PRTG: variants seen among roughly 807,000 people sequenced by gnomAD.
The protein encoded by PRTG is immunoglobulin superfamily, DCC subclass, member 5.
In PRTG, 67 loss-of-function variants were observed where a neutral mutation model predicts 122.5. That is an observed-to-expected ratio of 0.55 (90% CI 0.45 to 0.67). PRTG has a LOEUF of 0.67. Ranked by LOEUF, PRTG falls within the 30% of genes least tolerant of loss-of-function variation. The pLI, the probability that PRTG is intolerant of heterozygous loss-of-function variation, is 0.00. For synonymous variants in PRTG, 554 were observed against 501.1 expected, an observed-to-expected ratio of 1.11 and a Z score of -1.41; for missense variants, 1,435 against 1,415.4, an observed-to-expected ratio of 1.01 and a Z score of -0.22.
rs143776156 is a variant in PRTG, at chr15:55,689,567, C to T, written c.398-5636G>A. The stretch of plus-strand genomic sequence containing the variant: ...GAGTTGATGGGTGCAGCAAAACCAA[C>T]ATAGGCACATGTATACCTATGTAAC... On this transcript the variant is annotated intron_variant, in intron 2 of 19. Coordinates refer to ENST00000389286, the MANE Select transcript of PRTG (RefSeq NM_173814.6). Among the ~76,000 whole-genome samples, 180 of 150,820 alleles carry T rather than the reference C, an allele frequency of 1.2e-3. 1 individual carries two copies. Among genetic ancestry groups the T allele is most frequent in the African/African-American group, 4.2e-3 (173 of 41,002 alleles).
In PRTG at chr15:55,678,048, G is replaced by T; in HGVS notation, c.1134-4C>A. Reference sequence around the variant, plus strand: ...AATCTGGTTAATTACCAATTTACTAGGGAAAGAAAAAAAATTATTTCCATG... The same window carrying T: ...AATCTGGTTAATTACCAATTTACTATGGAAAGAAAAAAAATTATTTCCATG... On this transcript the variant is annotated splice_polypyrimidine_tract_variant and splice_region_variant and intron_variant, in intron 7 of 19. Coordinates refer to ENST00000389286, the MANE Select transcript of PRTG (RefSeq NM_173814.6). 1.9e-6 allele frequency: 3 copies of T among 1,539,644 alleles called. No individual in the cohort carries two copies. The highest frequency in any genetic ancestry group is 2.4e-5 in the South Asian group (2 of 84,696).
chr15:55,628,845 C>T lies in PRTG; in HGVS notation c.2783G>A (p.Arg928His), dbSNP rs77440317. ...ACCTTTGGCATCAGCAGAATCTAAA[C>T]GCTTGGGCCTCTGATTTGATTCAGA... ...ETSESNQRPKRLDSADAKVYS... is the reference protein window; with the variant it reads ...ETSESNQRPKHLDSADAKVYS... Residue 928 changes from arginine to histidine, a missense_variant, in exon 16 of 20, where the codon CGT becomes CAT. Coordinates refer to ENST00000389286, the MANE Select transcript of PRTG (RefSeq NM_173814.6). 2,072 of 1,613,486 alleles carry T rather than the reference C, an allele frequency of 1.3e-3. 9 individuals carry two copies. Among genetic ancestry groups the T allele is most frequent in the East Asian group, 0.011 (506 of 44,884 alleles).
At chr15:55,714,698 CACTTAT>C (rs1412468657) in intron 2 of PRTG, among the ~76,000 whole-genome samples, 1 of 152,116 alleles carries the variant, frequency 6.6e-6, no homozygotes, top group Non-Finnish European at 1.5e-5. Context: ...CTCTCTTAAC[CACTTAT>C]ACTTAAAAAG....
intron 2 of PRTG, among the ~76,000 whole-genome samples, chr15:55,736,606 A>G (rs2031420614): frequency 6.6e-6 from 1 of 152,154 alleles, no homozygotes; most frequent in African/African-American, 2.4e-5. Flanking sequence ...AACAACTACT[A>G]CTACTTAAAA....
chr15:55,618,037 A>T lies in PRTG; in HGVS notation c.*1975T>A, dbSNP rs1467458212. 1 of 152,196 alleles carries T rather than the reference A, an allele frequency of 6.6e-6. No individual in the cohort carries two copies. Among genetic ancestry groups the T allele is most frequent in the Admixed American group, 6.5e-5 (1 of 15,280 alleles). 9.4% of individuals were successfully genotyped at this position (152,196 alleles called of 1,614,324 possible). A position where few individuals can be genotyped will look rare whatever the true frequency, so the allele number is the denominator to read the frequency against. ...ACTTTAAAAGGAGGTAGTATAAAAC[A>T]GGAGCTATAAAGGCAGGAGCAGCAT... On this transcript the variant is annotated 3_prime_UTR_variant, in exon 20 of 20. Coordinates refer to ENST00000389286, the MANE Select transcript of PRTG (RefSeq NM_173814.6).
chr15:55,676,074 G>C (rs2059501038), intron 8 of PRTG, among the ~76,000 whole-genome samples: 1 of 151,998 alleles, frequency 6.6e-6, no homozygotes, highest in Non-Finnish European at 1.5e-5. Flanking sequence ...AACATAAATG[G>C]AGAGACAGTA....
chr15:55,646,287 C>T (rs2059322799), intron 11 of PRTG, among the ~76,000 whole-genome samples: 1 of 150,086 alleles, frequency 6.7e-6, no homozygotes, highest in South Asian at 2.1e-4. Flanking sequence ...GCCCGGATTA[C>T]AGGCATGAGC....
intron 2 of PRTG, among the ~76,000 whole-genome samples, chr15:55,696,252 TC>T (rs1381226782): frequency 6.6e-6 from 1 of 152,044 alleles, no homozygotes; most frequent in East Asian, 1.9e-4. Context: ...TGAGAAGAGA[TC>T]CTGTTTCTTA....
At chr15:55,708,156 A>C (rs796130446) in intron 2 of PRTG, among the ~76,000 whole-genome samples, 18 of 93,392 alleles carry the variant, frequency 1.9e-4, no homozygotes, top group African/African-American at 6.1e-4. Context: ...GGTAAAAAAA[A>C]AAAAAAAAAA....
intron 2 of PRTG, among the ~76,000 whole-genome samples, chr15:55,688,189 CTTTCT>C (rs2059580900): frequency 6.6e-6 from 1 of 152,216 alleles, no homozygotes; most frequent in African/African-American, 2.4e-5. Flanking sequence ...CCCCTTCTTC[CTTTCT>C]GAGTCCATGC....
At chr15:55,710,752 G>A (rs1176790395) in intron 2 of PRTG, among the ~76,000 whole-genome samples, 1 of 151,764 alleles carries the variant, frequency 6.6e-6, no homozygotes, top group African/African-American at 2.4e-5. Flanking sequence ...AACTTATATA[G>A]AATATAATTA....
intron 2 of PRTG, among the ~76,000 whole-genome samples, chr15:55,706,968 AC>A (rs1324604822): frequency 6.6e-6 from 1 of 152,210 alleles, no homozygotes; most frequent in Non-Finnish European, 1.5e-5. Context: ...GCCCAGAACT[AC>A]CAAATGCCAA....
intron 2 of PRTG, among the ~76,000 whole-genome samples, chr15:55,720,790 T>C (rs771895318): frequency 4.3e-4 from 66 of 152,318 alleles, no homozygotes; most frequent in Middle Eastern, 6.8e-3. Flanking sequence ...ACACTAATGA[T>C]AGGTGATGAG....
intron 2 of PRTG, among the ~76,000 whole-genome samples, chr15:55,717,126 G>T (rs1438808364): frequency 6.6e-6 from 1 of 152,104 alleles, no homozygotes; most frequent in Non-Finnish European, 1.5e-5. Flanking sequence ...TATCACAAGA[G>T]ATTTGGCTTT....
Position 55,615,220 on chromosome 15 carries a change from C to T in PRTG, c.*4792G>A, listed in dbSNP as rs769439613. 2 of 152,078 alleles carry T rather than the reference C, an allele frequency of 1.3e-5. No individual in the cohort carries two copies. Among genetic ancestry groups the T allele is most frequent in the Non-Finnish European group, 2.9e-5 (2 of 67,958 alleles). The allele number at this position is 152,078 out of a possible 1,614,324, so 9.4% of individuals were successfully genotyped here. On this transcript the variant is annotated 3_prime_UTR_variant, in exon 20 of 20. Transcript: ENST00000389286. ...AAAGCCTCAAAAAGAAACAGCCCTG[C>T]AAGCGCCTTGATTTTGTCCCAGGGA...
intron 11 of PRTG, among the ~76,000 whole-genome samples, chr15:55,657,545 C>T (rs1242023513): frequency 6.6e-6 from 1 of 152,134 alleles, no homozygotes; most frequent in African/African-American, 2.4e-5. Flanking sequence ...GATTTCAATA[C>T]ATGTTCCATA....
intron 2 of PRTG, among the ~76,000 whole-genome samples, chr15:55,698,173 T>C (rs1327827637): frequency 6.6e-6 from 1 of 152,192 alleles, no homozygotes; most frequent in East Asian, 1.9e-4. Flanking sequence ...ACTAGTTTCC[T>C]CATCAGTGCT....
At chr15:55,720,467 T>G (rs1235057383) in intron 2 of PRTG, among the ~76,000 whole-genome samples, 2 of 152,258 alleles carry the variant, frequency 1.3e-5, no homozygotes, top group Admixed American at 6.5e-5. Context: ...AGGGTATTTT[T>G]CACATCCTAT....
chr15:55,622,506 C>T (rs914884992), intron 18 of PRTG, among the ~76,000 whole-genome samples: 7 of 151,752 alleles, frequency 4.6e-5, no homozygotes, highest in Admixed American at 2.6e-4. Context: ...GCCTCAGTCT[C>T]CCAAGTAGCT....
Sources: gnomAD v4.1 joint callset for allele counts (sites outside exome capture counted in the v4.1 genomes callset) on GRCh38, gnomAD v4.1.1 for gene constraint, MANE v1.5 for transcripts, NCBI Gene and HGNC (gene_info 2026-07-23, HGNC 2026-07-21) for gene names.